The following MAGI2 variants were observed in gnomAD, a reference collection of about 807,000 sequenced individuals.
MAGI2 encodes membrane associated guanylate kinase, WW and PDZ domain containing 2, also known as membrane-associated guanylate kinase, WW and PDZ domain-containing protein 2.
MAGI2 carries 35 observed loss-of-function variants against 133.3 expected under a neutral mutation model. That is an observed-to-expected ratio of 0.26 (90% CI 0.20 to 0.35). The LOEUF (loss-of-function observed/expected upper bound fraction) is 0.35. MAGI2 is among the 10% of genes least tolerant of loss of function. MAGI2 has a pLI of 1.00. For missense variants in MAGI2, 1,636 were observed against 1,863.4 expected (o/e 0.88, Z 2.25); for synonymous variants, 729 against 710.6 (o/e 1.03, Z -0.41).
intron 15 of MAGI2, among the ~76,000 whole-genome samples, chr7:78,164,097 C>G (rs1309981795): frequency 6.6e-6 from 1 of 152,068 alleles, no homozygotes; most frequent in African/African-American, 2.4e-5. Context: ...CTTGCAAATA[C>G]CTCATTTACT....
At chr7:78,517,851 T>G (rs556870906) in intron 4 of MAGI2, among the ~76,000 whole-genome samples, 2 of 152,266 alleles carry the variant, frequency 1.3e-5, no homozygotes, top group South Asian at 2.1e-4. Flanking sequence ...AATATTCACA[T>G]GTCATGTGAA....
intron 16 of MAGI2, among the ~76,000 whole-genome samples, chr7:78,154,484 G>T (rs561595429): frequency 7.2e-5 from 11 of 152,318 alleles, no homozygotes; most frequent in African/African-American, 2.4e-4. Flanking sequence ...AGGAAGGATT[G>T]AAAAGTTTGT....
At chr7:79,430,371 C>T (rs1847694274) in intron 1 of MAGI2, among the ~76,000 whole-genome samples, 1 of 152,124 alleles carries the variant, frequency 6.6e-6, no homozygotes, top group Non-Finnish European at 1.5e-5. Context: ...GATTTCCACT[C>T]CTTCTGAATC....
At chr7:78,061,867 G>A (rs916585157) in intron 21 of MAGI2, among the ~76,000 whole-genome samples, 15 of 152,316 alleles carry the variant, frequency 9.8e-5, no homozygotes, top group East Asian at 1.9e-4. Context: ...GGTTGAATCC[G>A]TCATTAGATT....
chr7:79,379,196 G>A (rs1843612668), intron 1 of MAGI2, among the ~76,000 whole-genome samples: 1 of 149,874 alleles, frequency 6.7e-6, no homozygotes. Context: ...CCACCTATGA[G>A]TGAGAACATG....
At chr7:79,353,048 T>C (rs971865811) in intron 1 of MAGI2, among the ~76,000 whole-genome samples, 1 of 152,266 alleles carries the variant, frequency 6.6e-6, no homozygotes, top group South Asian at 2.1e-4. Context: ...AAACAAATAC[T>C]TGGAGACTAG....
intron 3 of MAGI2, among the ~76,000 whole-genome samples, chr7:78,573,227 AATATAAATAT>A (rs1801771328): frequency 1.7e-5 from 1 of 58,970 alleles, no homozygotes; most frequent in Non-Finnish European, 3.0e-5. Flanking sequence ...AATATATATA[AATATAAATAT>A]ATATATATAA....
intron 6 of MAGI2, among the ~76,000 whole-genome samples, chr7:78,478,259 C>T (rs188553331): frequency 6.6e-6 from 1 of 151,898 alleles, no homozygotes; most frequent in East Asian, 1.9e-4. Context: ...TCATCCATGT[C>T]CCTGCAAAGA....
At chr7:78,807,496 C>A (rs1006009077) in intron 2 of MAGI2, among the ~76,000 whole-genome samples, 1 of 151,944 alleles carries the variant, frequency 6.6e-6, no homozygotes, top group African/African-American at 2.4e-5. Context: ...CATATAGCCC[C>A]TGGAAAAGTC....
At chr7:78,562,922 G>A (rs573810751) in intron 3 of MAGI2, among the ~76,000 whole-genome samples, 10 of 151,526 alleles carry the variant, frequency 6.6e-5, no homozygotes, top group East Asian at 5.8e-4. Flanking sequence ...AAGCTTGAAG[G>A]CCCCATAATT....
chr7:78,920,983 G>C (rs1430599121), intron 2 of MAGI2, among the ~76,000 whole-genome samples: 1 of 152,094 alleles, frequency 6.6e-6, no homozygotes, highest in Non-Finnish European at 1.5e-5. Context: ...GGCTTCCTTT[G>C]TTCCTAACTT....
chr7:78,241,332 T>G (rs1050360128), intron 10 of MAGI2, among the ~76,000 whole-genome samples: 1 of 152,186 alleles, frequency 6.6e-6, no homozygotes, highest in African/African-American at 2.4e-5. Flanking sequence ...TCTACAAGAT[T>G]CCCAGAATTC....
rs183622359 is a variant in MAGI2 at position 78,274,968 on chromosome 7, G to A, written c.1409-18387C>T. Among the ~76,000 whole-genome samples, 64 of 151,550 alleles carry A rather than the reference G, an allele frequency of 4.2e-4. No individual in the cohort carries two copies. The East Asian group carries it at 6.9e-3, about 16-fold the overall frequency. ...GGGGAGTGAATGGTTCTGTCTTGCT[G>A]GTGTTCCACGTTCCACTGGGGTATG... is the stretch of plus-strand genomic sequence containing the variant. On this transcript the variant is annotated intron_variant, in intron 9 of 21. Coordinates refer to ENST00000354212, the MANE Select transcript of MAGI2 (RefSeq NM_012301.4).
intron 2 of MAGI2, among the ~76,000 whole-genome samples, chr7:78,943,200 G>A (rs1471718899): frequency 6.6e-6 from 1 of 151,992 alleles, no homozygotes; most frequent in Non-Finnish European, 1.5e-5. Flanking sequence ...CTTTAAAGAA[G>A]GTAGTATTTG....
At chr7:78,533,540 A>G (rs1797640652) in intron 3 of MAGI2, among the ~76,000 whole-genome samples, 1 of 151,918 alleles carries the variant, frequency 6.6e-6, no homozygotes, top group East Asian at 1.9e-4. Context: ...ATCTGTGATG[A>G]CCCAGTATCT....
In MAGI2 at chr7:79,185,265, G is replaced by A. The variant is rs186973530; in HGVS notation, c.302-178059C>T. Among the ~76,000 whole-genome samples the A allele has an allele frequency of 3.0e-4, 45 of 151,910 alleles. 1 individual carries two copies. Among genetic ancestry groups the A allele is most frequent in the Middle Eastern group, 6.8e-3 (2 of 294 alleles). ...GTATCTTTCTAGGGAAATGAAATGC[G>A]TATCTCCAAATGAATAGAATAAACC... On this transcript the variant is annotated intron_variant, in intron 1 of 21. Coordinates refer to ENST00000354212, the MANE Select transcript of MAGI2 (RefSeq NM_012301.4).
intron 2 of MAGI2, among the ~76,000 whole-genome samples, chr7:78,783,356 G>C (rs1826548195): frequency 6.6e-6 from 1 of 152,078 alleles, no homozygotes; most frequent in South Asian, 2.1e-4. Context: ...AAAAAGGACT[G>C]TTTTCCTGAC....
At chr7:78,239,205 C>T (rs893494040) in intron 10 of MAGI2, among the ~76,000 whole-genome samples, 8 of 152,018 alleles carry the variant, frequency 5.3e-5, no homozygotes, top group Admixed American at 6.6e-5. Context: ...ACTGAATATC[C>T]CCATGCAGAA....
intron 13 of MAGI2, among the ~76,000 whole-genome samples, chr7:78,178,992 T>C (rs963082629): frequency 1.3e-5 from 2 of 152,228 alleles, no homozygotes; most frequent in Non-Finnish European, 2.9e-5. Flanking sequence ...ACTTTTTAAG[T>C]AGAATCTGAT....
Sources: gnomAD v4.1 joint callset for allele counts (sites outside exome capture counted in the v4.1 genomes callset) on GRCh38, gnomAD v4.1.1 for gene constraint, MANE v1.5 for transcripts, NCBI Gene and HGNC (gene_info 2026-07-23, HGNC 2026-07-21) for gene names.